The following ATP8A2 variants were observed in gnomAD, a reference collection of about 807,000 sequenced individuals.
ATP8A2 encodes phospholipid-transporting ATPase IB.
In ATP8A2, 100 loss-of-function variants were observed where a neutral mutation model predicts 165.6. The ratio of observed to expected loss-of-function variants is 0.60; its 90% CI spans 0.51 to 0.71. ATP8A2 has a LOEUF of 0.71. ATP8A2 is among the 30% of genes least tolerant of loss of function. The probability of loss-of-function intolerance (pLI) is 0.00; values close to 1 mark genes in which losing one functional copy is unlikely to be tolerated. For synonymous variants in ATP8A2, 543 were observed against 548.8 expected (o/e 0.99, Z 0.15); for missense variants, 1,227 against 1,479.5 (o/e 0.83, Z 2.80).
intron 1 of ATP8A2, among the ~76,000 whole-genome samples, chr13:25,432,177 A>G (rs1415604038): frequency 6.6e-6 from 1 of 152,186 alleles, no homozygotes; most frequent in African/African-American, 2.4e-5. Context: ...TTTCATTTTA[A>G]AGATCTGGGG....
intron 27 of ATP8A2, among the ~76,000 whole-genome samples, chr13:25,779,609 A>T (rs1255235002): frequency 6.6e-6 from 1 of 152,138 alleles, no homozygotes; most frequent in African/African-American, 2.4e-5. Context: ...GTCAAATTAC[A>T]TAGTAAATGT....
At chr13:25,703,925 A>C (rs1463642936) in intron 25 of ATP8A2, among the ~76,000 whole-genome samples, 1 of 152,234 alleles carries the variant, frequency 6.6e-6, no homozygotes. Flanking sequence ...GGTCAATTTT[A>C]TCTTATGTGA....
Position 25,890,511 on chromosome 13 carries a change from A to G in ATP8A2, c.3183+28103A>G, listed in dbSNP as rs1953324786. On this transcript the variant is annotated intron_variant, in intron 33 of 36. Coordinates refer to ENST00000381655, the MANE Select transcript of ATP8A2 (RefSeq NM_016529.6). ...GAACGTAGATATTTCCTTCCCTGATACGTATTTGTACTTCTGTCTTCATGA... is the reference window on the plus strand; with the variant it reads ...GAACGTAGATATTTCCTTCCCTGATGCGTATTTGTACTTCTGTCTTCATGA... Among the ~76,000 whole-genome samples, 4 of 152,322 alleles carry G rather than the reference A, an allele frequency of 2.6e-5. No homozygotes were observed. In the South Asian group the frequency reaches 8.3e-4, roughly 32 times the overall value.
At chr13:25,472,393 CAA>C (rs71186886) in intron 2 of ATP8A2, among the ~76,000 whole-genome samples, 10 of 93,686 alleles carry the variant, frequency 1.1e-4, no homozygotes, top group Admixed American at 1.3e-4. Context: ...GACTCCGTCT[CAA>C]AAAAAAAAAA....
chr13:25,407,694 C>A (rs1381100200), intron 1 of ATP8A2, among the ~76,000 whole-genome samples: 2 of 152,100 alleles, frequency 1.3e-5, no homozygotes, highest in Admixed American at 1.3e-4. Flanking sequence ...CATGAGGAAA[C>A]AATGGAAAGA....
intron 16 of ATP8A2, 121 bp from the exon 17 acceptor site, chr13:25,570,646 C>T (rs2039440737): frequency 1.3e-6 from 1 of 774,766 alleles, no homozygotes; most frequent in Non-Finnish European, 2.2e-6. Context: ...TATTAAGGAC[C>T]TCTACCCTGT....
At chr13:25,773,106 A>G (rs2044661633) in intron 26 of ATP8A2, among the ~76,000 whole-genome samples, 1 of 152,208 alleles carries the variant, frequency 6.6e-6, no homozygotes. Context: ...AATAAGAAGT[A>G]TATAACTGCA....
intron 24 of ATP8A2, among the ~76,000 whole-genome samples, chr13:25,650,028 T>C (rs769633433): frequency 6.6e-6 from 1 of 152,198 alleles, no homozygotes; most frequent in Non-Finnish European, 1.5e-5. Flanking sequence ...CTAAGAAGCA[T>C]CTTGGAATGC....
Position 25,699,113 on chromosome 13 carries a change from AT to A in ATP8A2, c.2212-56del, listed in dbSNP as rs1008532993. On this transcript the variant is annotated intron_variant, in intron 24 of 36. Coordinates refer to ENST00000381655, the MANE Select transcript of ATP8A2 (RefSeq NM_016529.6). ...TTCAAGAAACTTAATTTTGAATTCT[AT>A]TTTGTTTTTGATATTAAACACACAA... The A allele has an allele frequency of 3.8e-6, 5 of 1,308,860 alleles. No individual in the cohort carries two copies. In the African/African-American group the frequency reaches 5.9e-5, roughly 16 times the overall value. The allele number at this position is 1,308,860 out of a possible 1,614,324, so 81.1% of individuals were successfully genotyped here.
chr13:25,909,879 T>C lies in ATP8A2; in HGVS notation c.3183+47471T>C, dbSNP rs74039595. Among the ~76,000 whole-genome samples, 1,259 of 152,294 alleles carry C rather than the reference T, an allele frequency of 8.3e-3. 15 individuals carry two copies. The highest frequency in any genetic ancestry group is 0.027 in the African/African-American group (1,115 of 41,562). ...GAATTTACCTATTCTAGGAACCCCA[T>C]ACAGGTGCAATCATACAATATTTTC... On this transcript the variant is annotated intron_variant, in intron 33 of 36. Transcript: ENST00000381655.
At chr13:25,565,858 A>G (rs1266048752) in intron 16 of ATP8A2, among the ~76,000 whole-genome samples, 2 of 151,756 alleles carry the variant, frequency 1.3e-5, no homozygotes, top group Non-Finnish European at 2.9e-5. Flanking sequence ...GTTATTTTAA[A>G]GGCTACTCTG....
At chr13:25,803,726 C>G (rs975537004) in intron 27 of ATP8A2, among the ~76,000 whole-genome samples, 2 of 152,222 alleles carry the variant, frequency 1.3e-5, no homozygotes, top group African/African-American at 4.8e-5. Flanking sequence ...TTCTCCACAT[C>G]AAACTGTGGT....
At chr13:25,637,831 G>A (rs142285228) in intron 24 of ATP8A2, among the ~76,000 whole-genome samples, 13,608 of 152,192 alleles carry the variant, frequency 0.089, 660 homozygotes, top group Non-Finnish European at 0.12. Context: ...CCTGACCCCC[G>A]AGTAGCCTAA....
At chr13:25,533,239 G>A (rs1316968276) in intron 5 of ATP8A2, 34 bp from the exon 6 acceptor site, 1 of 1,193,566 alleles carries the variant, frequency 8.4e-7, no homozygotes, top group Admixed American at 1.8e-5. Flanking sequence ...TTTAACACCA[G>A]TATTAACCAA....
intron 24 of ATP8A2, among the ~76,000 whole-genome samples, chr13:25,643,744 T>A (rs1301762702): frequency 6.6e-6 from 1 of 151,512 alleles, no homozygotes; most frequent in Non-Finnish European, 1.5e-5. Flanking sequence ...TTTGTTTTGT[T>A]TTTTTTTTCA....
chr13:25,742,891 G>A (rs2043947675), intron 25 of ATP8A2, among the ~76,000 whole-genome samples: 1 of 152,168 alleles, frequency 6.6e-6, no homozygotes. Flanking sequence ...TGGTGGAGGT[G>A]CTCTTATAGC....
intron 33 of ATP8A2, among the ~76,000 whole-genome samples, chr13:25,931,299 A>G (rs998678020): frequency 5.3e-5 from 8 of 152,212 alleles, no homozygotes; most frequent in African/African-American, 1.9e-4. Flanking sequence ...TCGTGTTTAG[A>G]CCTGGGTCCT....
chr13:25,693,687 CTGT>C (rs1308150668), intron 24 of ATP8A2, among the ~76,000 whole-genome samples: 5 of 139,756 alleles, frequency 3.6e-5, no homozygotes, highest in South Asian at 4.8e-4. Context: ...CTCTCTCTCT[CTGT>C]TTTATTTATT....
chr13:25,983,606 C>CCCCTAGT (rs1487403175), intron 35 of ATP8A2, among the ~76,000 whole-genome samples: 1 of 152,142 alleles, frequency 6.6e-6, no homozygotes, highest in Non-Finnish European at 1.5e-5. Flanking sequence ...CAGGGGTCAA[C>CCCCTAGT]TTGGATAAAA....
Sources: allele counts gnomAD v4.1 joint callset (sites outside exome capture counted in the v4.1 genomes callset), GRCh38; gene constraint gnomAD v4.1.1; transcripts MANE v1.5; gene names NCBI Gene and HGNC (gene_info 2026-07-23, HGNC 2026-07-21).